The following DOCK2 variants were observed in gnomAD, a reference collection of about 807,000 sequenced individuals.
DOCK2 encodes the protein dedicator of cytokinesis protein 2.
A neutral mutation model predicts 248.9 loss-of-function variants in DOCK2; 87 were observed. The observed-to-expected ratio is 0.35, with a 90% CI of 0.29 to 0.42. The LOEUF (loss-of-function observed/expected upper bound fraction) is 0.42, where lower values mean the gene tolerates loss of function less well. DOCK2 is among the 10% of genes least tolerant of loss of function. The pLI is 1.00. For synonymous variants in DOCK2, 805 were observed against 821.6 expected (o/e 0.98, Z 0.35); for missense variants, 1,747 against 2,300.2 (o/e 0.76, Z 4.92).
chr5:170,041,962 C>T (rs1437190432), intron 37 of DOCK2, 51 bp from the exon 38 acceptor site: 5 of 1,598,270 alleles, frequency 3.1e-6, no homozygotes, highest in Non-Finnish European at 4.3e-6. Flanking sequence ...AAGACACCTG[C>T]TCTTGGCAGC....
At chr5:170,082,695 G>A in intron 51 of DOCK2, 101 bp from the exon 52 acceptor site, 2 of 1,427,350 alleles carry the variant, frequency 1.4e-6, no homozygotes, top group Non-Finnish European at 1.9e-6. Flanking sequence ...TTTGGGCAGG[G>A]GTCAGTGTTG....
chr5:170,083,108 A>T lies in DOCK2; in HGVS notation c.*250A>T, dbSNP rs1419608862. 1.4e-5 allele frequency: 7 copies of T among 504,914 alleles called. No homozygotes were observed. The highest frequency in any genetic ancestry group is 8.3e-5 in the South Asian group (3 of 36,050). The allele number at this position is 504,914 out of a possible 1,614,324, so 31.3% of individuals were successfully genotyped here. ...TTCCTGAACTCAAGGTACCAGCAAG[A>T]ATGCCTTCTCCCAGTGTGCTCTCCC... On this transcript the variant is annotated 3_prime_UTR_variant, in exon 52 of 52. Coordinates refer to ENST00000520908, the MANE Select transcript of DOCK2 (RefSeq NM_004946.3).
rs576460026 is a variant in DOCK2 at position 169,860,024 on chromosome 5, G to A, written c.2799+19172G>A. ...ATTGCTCCGTCACCTAGGTTGGAGT[G>A]CAGTGGCATGGTCACAGCTAACTCC... On this transcript the variant is annotated intron_variant, in intron 27 of 51. Transcript: ENST00000520908. Among the ~76,000 whole-genome samples the A allele has an allele frequency of 1.9e-4, 26 of 138,638 alleles. No homozygotes were observed. In the South Asian group the frequency reaches 5.5e-3, roughly 29 times the overall value. The allele number at this position is 138,638 out of a possible 152,430, so 91.0% of individuals were successfully genotyped here.
At chr5:169,802,543 G>A (rs987992953) in intron 25 of DOCK2, among the ~76,000 whole-genome samples, 4 of 152,118 alleles carry the variant, frequency 2.6e-5, no homozygotes, top group Non-Finnish European at 5.9e-5. Context: ...GTCCCTAAAT[G>A]TGATAATACA....
chr5:170,039,942 G>A (rs182582197), intron 36 of DOCK2, among the ~76,000 whole-genome samples: 3 of 152,310 alleles, frequency 2.0e-5, no homozygotes, highest in Admixed American at 1.3e-4. Flanking sequence ...GCAGGTCACC[G>A]ATGCAGTGGT....
rs72841189 is a variant in DOCK2, at chr5:169,841,036, A to G, written c.2799+184A>G. Reference sequence around the variant, plus strand: ...AGAATTAACTCAAGTTGTTGAAATAAAACAGGGCTTAGGACTTGTCTAGTT... The same window carrying G: ...AGAATTAACTCAAGTTGTTGAAATAGAACAGGGCTTAGGACTTGTCTAGTT... On this transcript the variant is annotated intron_variant, in intron 27 of 51. Coordinates refer to ENST00000520908, the MANE Select transcript of DOCK2 (RefSeq NM_004946.3). Among the ~76,000 whole-genome samples the G allele has an allele frequency of 3.2e-3, 480 of 152,318 alleles. 1 individual carries two copies. Among genetic ancestry groups the G allele is most frequent in the Non-Finnish European group, 4.5e-3 (306 of 68,030 alleles).
intron 23 of DOCK2, among the ~76,000 whole-genome samples, chr5:169,755,209 G>T (rs1483433420): frequency 6.6e-6 from 1 of 151,882 alleles, no homozygotes; most frequent in African/African-American, 2.4e-5. Flanking sequence ...CTCCTGAAGT[G>T]CTGGGATTAT....
chr5:169,674,103 A>T (rs1759194811), intron 5 of DOCK2, among the ~76,000 whole-genome samples, 194 bp from the exon 6 acceptor site: 1 of 152,174 alleles, frequency 6.6e-6, no homozygotes, highest in African/African-American at 2.4e-5. Context: ...GCTTTTGGGA[A>T]ATCCCTGTGG....
At chr5:170,008,177 A>G (rs1755123611) in intron 30 of DOCK2, among the ~76,000 whole-genome samples, 1 of 150,322 alleles carries the variant, frequency 6.7e-6, no homozygotes, top group Non-Finnish European at 1.5e-5. Context: ...CAAAAAACAG[A>G]ACAAAGCACA....
chr5:169,742,294 T>C (rs1043724084), intron 22 of DOCK2, among the ~76,000 whole-genome samples: 3 of 152,238 alleles, frequency 2.0e-5, no homozygotes, highest in African/African-American at 7.2e-5. Flanking sequence ...TTGTTGACTA[T>C]GTACTAGACT....
intron 46 of DOCK2, among the ~76,000 whole-genome samples, chr5:170,073,250 C>G (rs934655856): frequency 1.3e-5 from 2 of 151,732 alleles, no homozygotes; most frequent in Non-Finnish European, 2.9e-5. Context: ...ACTATTTTCC[C>G]CCACTTTTGA....
At chr5:170,015,234 C>T (rs866109753) in intron 32 of DOCK2, among the ~76,000 whole-genome samples, 3 of 152,178 alleles carry the variant, frequency 2.0e-5, no homozygotes, top group Non-Finnish European at 4.4e-5. Context: ...CAGGGCCCTT[C>T]GTTTGCACTT....
intron 26 of DOCK2, among the ~76,000 whole-genome samples, chr5:169,838,699 C>T (rs62384830): frequency 0.17 from 25,719 of 152,088 alleles, 2,625 homozygotes; most frequent in Admixed American, 0.24. Flanking sequence ...AGTCTGGCTG[C>T]GCTTGATGAA....
At position 170,082,960 on chromosome 5, in the gene DOCK2, C is replaced by A; in HGVS notation, c.*102C>A. 1 of 1,468,790 alleles carries A rather than the reference C, an allele frequency of 6.8e-7. No individual in the cohort carries two copies. The allele number at this position is 1,468,790 out of a possible 1,614,324, so 91.0% of individuals were successfully genotyped here. On this transcript the variant is annotated 3_prime_UTR_variant, in exon 52 of 52. Coordinates refer to ENST00000520908, the MANE Select transcript of DOCK2 (RefSeq NM_004946.3). ...GAAGCCTCAGAGAGTGGGAGACTGT[C>A]CCCATCAGTTGTCCTTACTTAGAGG...
chr5:169,904,462 C>T (rs1045860041), intron 27 of DOCK2, among the ~76,000 whole-genome samples: 12 of 152,102 alleles, frequency 7.9e-5, no homozygotes, highest in Admixed American at 3.3e-4. Flanking sequence ...TGGGCAGCTT[C>T]CCTTTAATGG....
At chr5:169,879,450 G>A (rs141811009) in intron 27 of DOCK2, among the ~76,000 whole-genome samples, 86 of 152,244 alleles carry the variant, frequency 5.6e-4, no homozygotes, top group African/African-American at 1.6e-3. Flanking sequence ...TTAATTGCCC[G>A]TTCCCTTGCA....
At chr5:169,965,630 T>C (rs1777270815) in intron 27 of DOCK2, among the ~76,000 whole-genome samples, 1 of 152,092 alleles carries the variant, frequency 6.6e-6, no homozygotes, top group African/African-American at 2.4e-5. Context: ...GTAATTCTAA[T>C]GTGCAGCAGA....
chr5:169,819,928 T>G (rs554366811), intron 26 of DOCK2, among the ~76,000 whole-genome samples: 6 of 152,212 alleles, frequency 3.9e-5, no homozygotes, highest in Non-Finnish European at 7.3e-5. Context: ...ACCCTAATAC[T>G]GCACTTTTCC....
intron 27 of DOCK2, among the ~76,000 whole-genome samples, chr5:169,853,980 C>T (rs1205458687): frequency 1.2e-4 from 18 of 149,620 alleles, no homozygotes; most frequent in South Asian, 4.3e-4. Context: ...GGACTACAGG[C>T]GCCCACCACC....
Sources: gnomAD v4.1 joint callset for allele counts (sites outside exome capture counted in the v4.1 genomes callset) on GRCh38, gnomAD v4.1.1 for gene constraint, MANE v1.5 for transcripts, NCBI Gene and HGNC (gene_info 2026-07-23, HGNC 2026-07-21) for gene names.